The following GRID2 variants were observed in gnomAD, a reference collection of about 807,000 sequenced individuals.
GRID2 encodes glutamate receptor ionotropic, delta-2.
Under a neutral mutation model 114.8 loss-of-function variants are expected in GRID2, and 33 were observed. The observed-to-expected ratio is 0.29, with a 90% confidence interval of 0.22 to 0.38. The LOEUF (loss-of-function observed/expected upper bound fraction) is 0.38, where lower values mean the gene tolerates loss of function less well. GRID2 is among the 10% of genes least tolerant of loss of function. The pLI is 1.00. For synonymous variants in GRID2, 505 were observed against 449.9 expected (o/e 1.12, Z -1.55); for missense variants, 1,184 against 1,257.7 (o/e 0.94, Z 0.89).
intron 11 of GRID2, among the ~76,000 whole-genome samples, chr4:93,465,158 C>T (rs1724146207): frequency 6.6e-6 from 1 of 152,128 alleles, no homozygotes; most frequent in African/African-American, 2.4e-5. Context: ...CAAGACACCA[C>T]GAACATGGAA....
intron 4 of GRID2, among the ~76,000 whole-genome samples, chr4:93,156,308 G>T (rs542934008): frequency 6.6e-6 from 1 of 151,844 alleles, no homozygotes; most frequent in African/African-American, 2.4e-5. Context: ...ACTTTGTGTT[G>T]GAAATTGGTG....
At chr4:92,950,694 T>C (rs778550043) in intron 2 of GRID2, among the ~76,000 whole-genome samples, 3 of 152,176 alleles carry the variant, frequency 2.0e-5, no homozygotes, top group African/African-American at 4.8e-5. Context: ...GCCATGAAAA[T>C]TGGTCCTTAA....
intron 2 of GRID2, among the ~76,000 whole-genome samples, chr4:93,002,740 T>C (rs1024609575): frequency 6.6e-6 from 1 of 151,872 alleles, no homozygotes; most frequent in Non-Finnish European, 1.5e-5. Context: ...TTTCCTATGA[T>C]GGCTGTAACA....
intron 2 of GRID2, among the ~76,000 whole-genome samples, chr4:92,808,292 G>T (rs185614138): frequency 4.6e-5 from 7 of 151,910 alleles, no homozygotes; most frequent in African/African-American, 9.7e-5. Context: ...TAATGTATTC[G>T]TGTTGAGGTA....
chr4:93,165,472 T>G (rs1738160820), intron 4 of GRID2, among the ~76,000 whole-genome samples: 1 of 152,086 alleles, frequency 6.6e-6, no homozygotes, highest in African/African-American at 2.4e-5. Context: ...TCCCTGACTT[T>G]CCTTTCAGGT....
chr4:93,750,030 G>A (rs1476208098), intron 14 of GRID2, among the ~76,000 whole-genome samples: 4 of 152,180 alleles, frequency 2.6e-5, no homozygotes, highest in Non-Finnish European at 5.9e-5. Context: ...TGCCATTGGT[G>A]AGCACACATT....
chr4:93,376,553 A>C (rs1231437366), intron 8 of GRID2, among the ~76,000 whole-genome samples: 1 of 152,186 alleles, frequency 6.6e-6, no homozygotes, highest in Non-Finnish European at 1.5e-5. Flanking sequence ...CTCATAAAAC[A>C]TAGGTCCTAA....
At chr4:93,475,160 G>A (rs1176869214) in intron 11 of GRID2, among the ~76,000 whole-genome samples, 1 of 152,008 alleles carries the variant, frequency 6.6e-6, no homozygotes, top group Non-Finnish European at 1.5e-5. Flanking sequence ...GACTCCAGAG[G>A]CTGTAAGTTG....
chr4:93,546,688 C>T (rs1733248167), intron 13 of GRID2, among the ~76,000 whole-genome samples: 1 of 152,112 alleles, frequency 6.6e-6, no homozygotes, highest in Non-Finnish European at 1.5e-5. Context: ...TGAGGATCCA[C>T]AGAATTTATG....
intron 2 of GRID2, among the ~76,000 whole-genome samples, chr4:92,641,514 C>T (rs1731349436): frequency 1.3e-5 from 2 of 150,876 alleles, no homozygotes; most frequent in Admixed American, 1.3e-4. Context: ...AAGAAATCAT[C>T]AGAATTCAGG....
At chr4:92,928,319 A>G (rs939269739) in intron 2 of GRID2, among the ~76,000 whole-genome samples, 3 of 151,736 alleles carry the variant, frequency 2.0e-5, no homozygotes, top group Non-Finnish European at 3.0e-5. Context: ...TAATTTTCAT[A>G]TAATTTTTAT....
chr4:92,941,412 A>G (rs189692351), intron 2 of GRID2, among the ~76,000 whole-genome samples: 125 of 152,088 alleles, frequency 8.2e-4, no homozygotes, highest in African/African-American at 2.9e-3. Context: ...ATTGGTGGTG[A>G]TATCCCCTTT....
At chr4:92,410,764 T>A (rs1014379574) in intron 1 of GRID2, among the ~76,000 whole-genome samples, 10 of 151,938 alleles carry the variant, frequency 6.6e-5, no homozygotes, top group Admixed American at 5.3e-4. Flanking sequence ...TCAGAAAAAA[T>A]TGTATATTTA....
intron 2 of GRID2, among the ~76,000 whole-genome samples, chr4:92,996,674 C>G (rs1755217431): frequency 6.6e-6 from 1 of 152,104 alleles, no homozygotes; most frequent in South Asian, 2.1e-4. Context: ...CACTCAGATT[C>G]CATCTAGTAA....
chr4:92,320,362 C>G (rs1018678025), intron 1 of GRID2, among the ~76,000 whole-genome samples: 2 of 152,154 alleles, frequency 1.3e-5, no homozygotes, highest in African/African-American at 4.8e-5. Context: ...AAAGTATATT[C>G]AGGGTACTTA....
intron 10 of GRID2, among the ~76,000 whole-genome samples, chr4:93,445,383 G>A (rs1722003370): frequency 6.6e-6 from 1 of 151,922 alleles, no homozygotes; most frequent in African/African-American, 2.4e-5. Flanking sequence ...GAAGAAAATA[G>A]GCTGATTTTA....
At position 93,578,587 on chromosome 4, in the gene GRID2, A is replaced by ATTTT. The variant is rs59397408; in HGVS notation, c.2194-47661_2194-47658dup. ...AAAAGAACCTTGTCTTGTTTTTTGT[A>ATTTT]TTTTTTTTTTTTTTTTTTTTTTTTG... On this transcript the variant is annotated intron_variant, in intron 13 of 15. Transcript: ENST00000282020. Among the ~76,000 whole-genome samples, 124 of 83,920 alleles carry ATTTT rather than the reference A, an allele frequency of 1.5e-3. 2 individuals are homozygous for ATTTT. The highest frequency in any genetic ancestry group is 4.8e-3 in the African/African-American group (92 of 19,312). The allele number at this position is 83,920 out of a possible 152,430, so 55.1% of individuals were successfully genotyped here.
chr4:92,792,165 C>A (rs1739620436), intron 2 of GRID2, among the ~76,000 whole-genome samples: 2 of 151,820 alleles, frequency 1.3e-5, no homozygotes, highest in African/African-American at 4.8e-5. Flanking sequence ...TACTGTGCAG[C>A]TTTAAGCTCT....
chr4:92,662,238 A>G (rs1732556030), intron 2 of GRID2, among the ~76,000 whole-genome samples: 1 of 150,958 alleles, frequency 6.6e-6, no homozygotes, highest in Non-Finnish European at 1.5e-5. Context: ...AACTTCTACA[A>G]GGGGTAAAAA....
Sources: gnomAD v4.1 joint callset for allele counts (sites outside exome capture counted in the v4.1 genomes callset) on GRCh38, gnomAD v4.1.1 for gene constraint, MANE v1.5 for transcripts, NCBI Gene and HGNC (gene_info 2026-07-23, HGNC 2026-07-21) for gene names.